The following DNAI2 variants were observed in gnomAD, a reference collection of about 807,000 sequenced individuals.
DNAI2 encodes dynein, axonemal, intermediate polypeptide 2.
A neutral mutation model predicts 74.7 loss-of-function variants in DNAI2; 63 were observed. That is an observed-to-expected ratio of 0.84 (90% CI 0.69 to 1.04). The LOEUF (loss-of-function observed/expected upper bound fraction) is 1.04, where lower values mean the gene tolerates loss of function less well. DNAI2 is among the 50% of genes least tolerant of loss of function. DNAI2 has a pLI of 0.00. For synonymous variants in DNAI2, 289 were observed against 314.9 expected (o/e 0.92, Z 0.87); for missense variants, 688 against 803.2 (o/e 0.86, Z 1.73).
chr17:74,283,707 C>T (rs563989579), intron 2 of DNAI2, among the ~76,000 whole-genome samples: 1 of 152,278 alleles, frequency 6.6e-6, no homozygotes, highest in South Asian at 2.1e-4. Flanking sequence ...AGTTTGACAC[C>T]AGCCTGGGCA....
chr17:74,307,214 G>A (rs1471813577), intron 9 of DNAI2: 6 of 455,832 alleles, frequency 1.3e-5, no homozygotes, highest in Non-Finnish European at 2.6e-5. Flanking sequence ...GGTCCTGCAG[G>A]CTGCCAGGGC....
At chr17:74,292,158 C>T (rs569096282) in intron 6 of DNAI2, among the ~76,000 whole-genome samples, 1 of 152,344 alleles carries the variant, frequency 6.6e-6, no homozygotes, top group South Asian at 2.1e-4. Context: ...AGCCACCATG[C>T]CTGGCCGCTA....
chr17:74,309,427 G>C, intron 10 of DNAI2, 39 bp downstream of exon 10: 1 of 1,613,850 alleles, frequency 6.2e-7, no homozygotes, highest in South Asian at 1.1e-5. Context: ...CAGGTCCTCA[G>C]GGAGCCAGGT....
In DNAI2 at chr17:74,312,141, G is replaced by A; in HGVS notation, c.1633G>A (p.Val545Ile). 1 of 1,613,862 alleles carries A rather than the reference G, an allele frequency of 6.2e-7. No individual in the cohort carries two copies. Among genetic ancestry groups the A allele is most frequent in the Non-Finnish European group, 8.5e-7 (1 of 1,179,992 alleles). The change falls in exon 12 of 14, where the codon GTC (valine) becomes ATC (isoleucine). Residue 545 changes from valine (V) to isoleucine (I), a missense_variant. Physicochemically the swap from Val to Ile is conservative, Grantham distance 29. Coordinates refer to ENST00000311014, the MANE Select transcript of DNAI2 (RefSeq NM_023036.6). ...EELAVDLEAL[V>I]SKAEEEFFDI... is the part of the protein sequence containing the mutation. ...GCTGGCCGTAGACCTGGAGGCGCTG[G>A]TCAGCAAGGCCGAGGAGGAGTTCTT...
intron 6 of DNAI2, among the ~76,000 whole-genome samples, chr17:74,293,822 C>T (rs934145149): frequency 2.7e-5 from 4 of 148,630 alleles, no homozygotes; most frequent in African/African-American, 9.9e-5. Flanking sequence ...CTTACTCTGT[C>T]ACCCAGGCTG....
intron 2 of DNAI2, among the ~76,000 whole-genome samples, chr17:74,283,752 A>C (rs537579505): frequency 7.9e-5 from 12 of 152,188 alleles, no homozygotes; most frequent in Non-Finnish European, 1.3e-4. Flanking sequence ...GAAGAAAAAC[A>C]AAAACAAAAA....
intron 6 of DNAI2, among the ~76,000 whole-genome samples, chr17:74,292,542 G>A (rs544448422): frequency 2.7e-5 from 4 of 150,182 alleles, no homozygotes; most frequent in Non-Finnish European, 4.4e-5. Flanking sequence ...CCAGCCTCCC[G>A]AGTAGCTGAG....
chr17:74,292,539 C>A (rs2052180358), intron 6 of DNAI2, among the ~76,000 whole-genome samples: 1 of 151,500 alleles, frequency 6.6e-6, no homozygotes, highest in Non-Finnish European at 1.5e-5. Context: ...ACCCCAGCCT[C>A]CCGAGTAGCT....
Position 74,289,616 on chromosome 17 carries a change from G to T in DNAI2, c.490G>T (p.Ala164Ser). ...CAGGGACCCCCAGGAAATCAAGAGGGCTGCCACACACCTCTCCTGGCACCC... is the reference window on the plus strand; with the variant it reads ...CAGGGACCCCCAGGAAATCAAGAGGTCTGCCACACACCTCTCCTGGCACCC... ...VFRDPQEIKR[A>S]ATHLSWHPDG... The change falls in exon 5 of 14, where the codon GCT (alanine) becomes TCT (serine). Residue 164 changes from alanine to serine, a missense_variant. Physicochemically the swap from Ala to Ser is moderately conservative, Grantham distance 99. Transcript: ENST00000311014. The T allele has an allele frequency of 6.2e-7, 1 of 1,614,078 alleles. No homozygotes were observed. Among genetic ancestry groups the T allele is most frequent in the South Asian group, 1.1e-5 (1 of 91,080 alleles).
chr17:74,289,832 C>A, intron 5 of DNAI2, 96 bp downstream of exon 5: 1 of 1,535,184 alleles, frequency 6.5e-7, no homozygotes, highest in Non-Finnish European at 8.9e-7. Context: ...GTCAAGGACA[C>A]TCACGCGGTT....
chr17:74,290,495 G>A lies in DNAI2; in HGVS notation c.611-525G>A, dbSNP rs528326806. 3.3e-5 allele frequency among the ~76,000 whole-genome samples: 5 copies of A among 152,292 alleles called. No homozygotes were observed. The East Asian group carries it at 9.6e-4, about 29-fold the overall frequency. ...CTACAGAAGGGCTGGCAAGACACAG[G>A]CAGGGACAGGGTGGTGGTGGCTTCA... is the stretch of plus-strand genomic sequence containing the variant. On this transcript the variant is annotated intron_variant, in intron 5 of 13. Transcript: ENST00000311014.
At chr17:74,313,883 T>G (rs2053674969) in intron 12 of DNAI2, 1 of 547,432 alleles carries the variant, frequency 1.8e-6, no homozygotes, top group East Asian at 3.4e-5. Flanking sequence ...CCTCCCAGTC[T>G]GCATGTGGCA....
intron 6 of DNAI2, among the ~76,000 whole-genome samples, chr17:74,293,695 C>T (rs1399720585): frequency 6.6e-6 from 1 of 151,464 alleles, no homozygotes; most frequent in Non-Finnish European, 1.5e-5. Flanking sequence ...CAGAGCGAGA[C>T]TCCATCTCAA....
rs115106226 is a variant in DNAI2 at position 74,297,833 on chromosome 17, C to T, written c.725-1885C>T. Among the ~76,000 whole-genome samples, 114 of 152,176 alleles carry T rather than the reference C, an allele frequency of 7.5e-4. 1 individual carries two copies. Among genetic ancestry groups the T allele is most frequent in the African/African-American group, 2.5e-3 (105 of 41,532 alleles). ...CACCCAGGCCAGTCTTGACCCTGGG[C>T]GTAAAAAGCATTCCCCACTCCTCTC... On this transcript the variant is annotated intron_variant, in intron 6 of 13. Transcript: ENST00000311014.
At chr17:74,284,922 G>A (rs551963437) in intron 2 of DNAI2, 118 bp from the exon 3 acceptor site, 37 of 1,327,752 alleles carry the variant, frequency 2.8e-5, no homozygotes, top group South Asian at 9.5e-5. Flanking sequence ...CTGTGGCTCC[G>A]GCCAGGGCGC....
At chr17:74,304,198 T>C (rs570459052) in intron 8 of DNAI2, among the ~76,000 whole-genome samples, 22 of 125,278 alleles carry the variant, frequency 1.8e-4, no homozygotes, top group African/African-American at 7.4e-4. Flanking sequence ...TTTTTTTTTT[T>C]TTTTTTTTTT....
chr17:74,278,532 G>C (rs1002380665), intron 1 of DNAI2, among the ~76,000 whole-genome samples: 1 of 152,216 alleles, frequency 6.6e-6, no homozygotes, highest in African/African-American at 2.4e-5. Context: ...TTGCAACCTG[G>C]TCAGTCTTTA....
chr17:74,302,338 C>T (rs1185273337), intron 8 of DNAI2, among the ~76,000 whole-genome samples: 3 of 152,130 alleles, frequency 2.0e-5, no homozygotes, highest in East Asian at 1.9e-4. Flanking sequence ...GAGGCCAAGG[C>T]GGGCGGATCA....
rs371039062 is a variant in DNAI2 at position 74,296,346 on chromosome 17, G to GAGAGGA, written c.725-3372_725-3371insAGAGGA. 5.3e-3 allele frequency among the ~76,000 whole-genome samples: 443 copies of GAGAGGA among 82,902 alleles called. 13 individuals carry two copies. Among genetic ancestry groups the GAGAGGA allele is most frequent in the Non-Finnish European group, 7.6e-3 (244 of 32,218 alleles). 54.4% of individuals were successfully genotyped at this position (82,902 alleles called of 152,430 possible). ...GAGAGAGAGAGAGGAGAGAGAGAGA[G>GAGAGGA]GAGAGAGAGAGGAAGGGGGAAGGAG... On this transcript the variant is annotated intron_variant, in intron 6 of 13. Coordinates refer to ENST00000311014, the MANE Select transcript of DNAI2 (RefSeq NM_023036.6).
Sources: gnomAD v4.1 joint callset for allele counts (sites outside exome capture counted in the v4.1 genomes callset) on GRCh38, gnomAD v4.1.1 for gene constraint, MANE v1.5 for transcripts, NCBI Gene and HGNC (gene_info 2026-07-23, HGNC 2026-07-21) for gene names.